Variants in MYO1G observed in about 807,000 individuals in gnomAD.
MYO1G encodes myosin IG, also known as unconventional myosin-Ig.
MYO1G carries 65 observed loss-of-function variants against 115.3 expected under a neutral mutation model. The ratio of observed to expected loss-of-function variants is 0.56; its 90% CI spans 0.46 to 0.69. The LOEUF is 0.69. MYO1G is among the 30% of genes least tolerant of loss of function. The probability of loss-of-function intolerance (pLI) is 0.00; values close to 1 mark genes in which losing one functional copy is unlikely to be tolerated. For missense variants in MYO1G, 1,204 were observed against 1,393.5 expected (o/e 0.86, Z 2.16); for synonymous variants, 510 against 552.6 (o/e 0.92, Z 1.08).
Position 44,966,802 on chromosome 7 carries a change from C to A in MYO1G, c.1819G>T (p.Asp607Tyr). 3.7e-6 allele frequency: 6 copies of A among 1,613,176 alleles called. No homozygotes were observed. Among genetic ancestry groups the A allele is most frequent in the Non-Finnish European group, 5.1e-6 (6 of 1,179,654 alleles). The part of the protein sequence containing the change: ...FYVRCIKPNE[D>Y]KVAGKLDENH... The stretch of plus-strand genomic sequence containing the variant: ...TCATCCAGCTTCCCAGCTACCTTGT[C>A]CTCATTGGGCTTGATGCAGCGGACG... The change falls in exon 15 of 22, where the codon GAC becomes TAC. Residue 607 changes from aspartate to tyrosine, a missense_variant. Transcript: ENST00000258787. The surrounding 1 kb of genome is among the most constrained non-coding windows in gnomAD (Gnocchi z 5.0).
Position 44,971,844 on chromosome 7 carries a change from C to T in MYO1G, c.730-55G>A. The stretch of plus-strand genomic sequence containing the variant: ...GCCACACTGGGCCCAGGACACCTGT[C>T]TCCCTTGAGGCTTGATTCCTCCATC... On this transcript the variant is annotated intron_variant, in intron 6 of 21. Coordinates refer to ENST00000258787, the MANE Select transcript of MYO1G (RefSeq NM_033054.3). 3.7e-6 allele frequency: 5 copies of T among 1,341,428 alleles called. No individual in the cohort carries two copies. The South Asian group carries it at 5.1e-5, about 14-fold the overall frequency. 83.1% of individuals were successfully genotyped at this position (1,341,428 alleles called of 1,614,324 possible). A position where few individuals can be genotyped will look rare whatever the true frequency, so the allele number is the denominator to read the frequency against.
intron 9 of MYO1G, 115 bp from the exon 10 acceptor site, chr7:44,970,269 C>A: frequency 3.7e-6 from 3 of 806,028 alleles, no homozygotes; most frequent in Non-Finnish European, 2.0e-6. Context: ...CTGGTGCCAG[C>A]ACCCTGTGTG....
intron 4 of MYO1G, 121 bp downstream of exon 4, chr7:44,975,363 G>A: frequency 6.6e-7 from 1 of 1,503,994 alleles, no homozygotes; most frequent in Non-Finnish European, 9.2e-7. Flanking sequence ...CCCAGAGAAG[G>A]GCCACAGGGA....
In MYO1G at chr7:44,975,657, G is replaced by A. The variant is rs1241735758; in HGVS notation, c.399-8C>T. On this transcript the variant is annotated splice_region_variant and splice_polypyrimidine_tract_variant and intron_variant, in intron 3 of 21. Coordinates refer to ENST00000258787, the MANE Select transcript of MYO1G (RefSeq NM_033054.3). ...AGCAGCACGTCCTTGACCCTGTCAG[G>A]GCAGAGGGGCTGGGTCTTAAGGCAA... 6.3e-7 allele frequency: 1 copy of A among 1,592,568 alleles called. No homozygotes were observed. Among genetic ancestry groups the A allele is most frequent in the African/African-American group, 1.3e-5 (1 of 74,512 alleles).
chr7:44,973,914 T>G (rs1184690185), intron 5 of MYO1G: 2 of 150,756 alleles, frequency 1.3e-5, no homozygotes, highest in Non-Finnish European at 3.0e-5. Flanking sequence ...GGAGACGCCC[T>G]CTGTGTTCCC....
Position 44,962,792 on chromosome 7 carries a change from G to A in MYO1G, c.3004C>T (p.Pro1002Ser), listed in dbSNP as rs758345029. The part of the protein sequence containing the change: ...SVEPRPEQPE[P>S]DFRCARGSFT... ...GAGCCGCGAGCGCAGCGGAAATCGGGCTCTGGCTGCTCCGGCCTGGGCTCC... is the reference window on the plus strand; with the variant it reads ...GAGCCGCGAGCGCAGCGGAAATCGGACTCTGGCTGCTCCGGCCTGGGCTCC... Residue 1002 changes from proline (P) to serine (S), a missense_variant, in exon 22 of 22, where the codon CCC becomes TCC. By Grantham distance (74) the Pro-to-Ser change is moderately conservative (BLOSUM62 -1). Transcript: ENST00000258787. The surrounding 1 kb of genome is among the most constrained non-coding windows in gnomAD (Gnocchi z 5.3). 82 of 1,510,800 alleles carry A rather than the reference G, an allele frequency of 5.4e-5. No individual in the cohort carries two copies. The highest frequency in any genetic ancestry group is 6.6e-5 in the Non-Finnish European group (75 of 1,136,880). 93.6% of individuals were successfully genotyped at this position (1,510,800 alleles called of 1,614,324 possible).
At chr7:44,967,984 G>A in intron 12 of MYO1G, 26 bp from the exon 13 acceptor site, 3 of 1,608,706 alleles carry the variant, frequency 1.9e-6, no homozygotes, top group Non-Finnish European at 2.6e-6. Flanking sequence ...GCTGGTGAGG[G>A]AGCAGGGGCG....
rs1794793174 is a variant in MYO1G at position 44,963,895 on chromosome 7, C to T, written c.2745+154G>A. The T allele has an allele frequency of 4.6e-6, 3 of 652,648 alleles. No homozygotes were observed. Among genetic ancestry groups the T allele is most frequent in the Non-Finnish European group, 8.1e-6 (3 of 371,424 alleles). The allele number at this position is 652,648 out of a possible 1,614,324, so 40.4% of individuals were successfully genotyped here. A position where few individuals can be genotyped will look rare whatever the true frequency, so the allele number is the denominator to read the frequency against. ...ACTCTGTGGGCGTGGGAAGCCACTG[C>T]AGGATTTTCAGCACGGGTGCCACCA... On this transcript the variant is annotated intron_variant, in intron 20 of 21. Transcript: ENST00000258787. The surrounding 1 kb of genome is among the most constrained non-coding windows in gnomAD (Gnocchi z 4.1).
In MYO1G at chr7:44,963,189, C is replaced by A; in HGVS notation, c.2746-65G>T. The A allele has an allele frequency of 2.2e-6, 3 of 1,379,228 alleles. No homozygotes were observed. The highest frequency in any genetic ancestry group is 2.8e-6 in the Non-Finnish European group (3 of 1,072,348). The allele number at this position is 1,379,228 out of a possible 1,614,324, so 85.4% of individuals were successfully genotyped here. On this transcript the variant is annotated intron_variant, in intron 20 of 21. Transcript: ENST00000258787. This position sits in a 1 kb window ranked among gnomAD's most constrained non-coding sequence, Gnocchi z 4.1. ...CGCACCCCAGCCTAGCCGGACTCAC[C>A]CCCTCCCCAGGAAGCCTCTGCCGAA...
intron 9 of MYO1G, among the ~76,000 whole-genome samples, 176 bp from the exon 10 acceptor site, chr7:44,970,330 C>T (rs1794931568): frequency 6.6e-6 from 1 of 152,198 alleles, no homozygotes; most frequent in African/African-American, 2.4e-5. Flanking sequence ...ACCCCACCCA[C>T]ACCTCCTGCA....
chr7:44,967,186 C>A (rs1794862814), intron 14 of MYO1G, among the ~76,000 whole-genome samples: 2 of 152,318 alleles, frequency 1.3e-5, no homozygotes, highest in South Asian at 2.1e-4. Context: ...TCTCCCTGAC[C>A]CTTCACCTGT....
chr7:44,972,340 C>T (rs760216719), intron 5 of MYO1G, 115 bp from the exon 6 acceptor site: 13 of 766,912 alleles, frequency 1.7e-5, no homozygotes, highest in South Asian at 6.1e-5. Context: ...AACGAACAAA[C>T]GTGGGGGAAG....
intron 13 of MYO1G, 55 bp downstream of exon 13, chr7:44,967,829 C>G: frequency 6.2e-7 from 1 of 1,612,594 alleles, no homozygotes. Flanking sequence ...ACCCCAGAGT[C>G]TCTGGGGCCC....
Position 44,969,968 on chromosome 7 carries a change from C to A in MYO1G, c.1332+72G>T. 6.3e-7 allele frequency: 1 copy of A among 1,593,048 alleles called. No homozygotes were observed. Among genetic ancestry groups the A allele is most frequent in the South Asian group, 1.1e-5 (1 of 89,030 alleles). ...CACTCAGCCACCTGTCAGGCCAGCC[C>A]GGGCCCCTCCCCATGGGCTGAGGCC... On this transcript the variant is annotated intron_variant, in intron 10 of 21. Coordinates refer to ENST00000258787, the MANE Select transcript of MYO1G (RefSeq NM_033054.3). This position sits in a 1 kb window ranked among gnomAD's most constrained non-coding sequence, Gnocchi z 5.0.
rs145905005 is a variant in MYO1G, at chr7:44,966,195, C to A, written c.2035G>T (p.Gly679Trp). The A allele has an allele frequency of 1.9e-6, 3 of 1,612,826 alleles. No homozygotes were observed. Among genetic ancestry groups the A allele is most frequent in the Non-Finnish European group, 2.5e-6 (3 of 1,179,868 alleles). Residue 679 changes from glycine (G) to tryptophan (W), a missense_variant, in exon 16 of 22, where the codon GGG (glycine) becomes TGG (tryptophan). Coordinates refer to ENST00000258787, the MANE Select transcript of MYO1G (RefSeq NM_033054.3). The surrounding 1 kb of genome is among the most constrained non-coding windows in gnomAD (Gnocchi z 5.0). The part of the protein sequence containing the change: ...AAVSALLEQH[G>W]LQGDVAFGHS... ...CCAAAGGCCACGTCCCCCTGCAGCC[C>A]GTGCTGCTCCAGGAGAGCGCTCACG... is the stretch of plus-strand genomic sequence containing the variant.
In MYO1G at chr7:44,962,819, C is replaced by A; in HGVS notation, c.2977G>T (p.Val993Leu). The A allele has an allele frequency of 6.6e-7, 1 of 1,522,310 alleles. No individual in the cohort carries two copies. Among genetic ancestry groups the A allele is most frequent in the African/African-American group, 1.4e-5 (1 of 69,484 alleles). The allele number at this position is 1,522,310 out of a possible 1,614,324, so 94.3% of individuals were successfully genotyped here. A position where few individuals can be genotyped will look rare whatever the true frequency, so the allele number is the denominator to read the frequency against. Residue 993 changes from valine (V) to leucine (L), a missense_variant, in exon 22 of 22, where the codon GTG (valine) becomes TTG (leucine). Physicochemically the swap from Val to Leu is conservative, Grantham distance 32 (BLOSUM62 1). Coordinates refer to ENST00000258787, the MANE Select transcript of MYO1G (RefSeq NM_033054.3). This position sits in a 1 kb window ranked among gnomAD's most constrained non-coding sequence, Gnocchi z 5.3. ...SHRGVRRLISVEPRPEQPEPD... is the reference protein window; with the variant it reads ...SHRGVRRLISLEPRPEQPEPD... ...TCTGGCTGCTCCGGCCTGGGCTCCACGGAGATGAGGCGCCGGACCCCGCGA... is the reference window on the plus strand; with the variant it reads ...TCTGGCTGCTCCGGCCTGGGCTCCAAGGAGATGAGGCGCCGGACCCCGCGA...
intron 5 of MYO1G, chr7:44,972,728 G>C (rs1223716540): frequency 6.2e-6 from 1 of 162,422 alleles, no homozygotes; most frequent in Non-Finnish European, 1.3e-5. Context: ...AGGTTCCGTG[G>C]AGACATTGCT....
chr7:44,970,277 G>T, intron 9 of MYO1G, 123 bp from the exon 10 acceptor site: 1 of 770,696 alleles, frequency 1.3e-6, no homozygotes, highest in Non-Finnish European at 2.1e-6. Flanking sequence ...AGCACCCTGT[G>T]TGGCTTCCCT....
At chr7:44,977,538 G>A (rs1310154721) in intron 1 of MYO1G, among the ~76,000 whole-genome samples, 9 of 152,158 alleles carry the variant, frequency 5.9e-5, no homozygotes, top group African/African-American at 1.2e-4. Context: ...AGAGACAAAA[G>A]GGGACCCCAC....
Sources: gnomAD v4.1 joint callset for allele counts (sites outside exome capture counted in the v4.1 genomes callset) on GRCh38, gnomAD v4.1.1 for gene constraint, Gnocchi (gnomAD v3.1) non-coding constraint, MANE v1.5 for transcripts, NCBI Gene and HGNC (gene_info 2026-07-23, HGNC 2026-07-21) for gene names.